Variants in MICAL2 observed in about 807,000 individuals in gnomAD.
MICAL2 encodes [F-actin]-monooxygenase MICAL2.
A neutral mutation model predicts 127.3 loss-of-function variants in MICAL2; 77 were observed. That is an observed-to-expected ratio of 0.60 (90% CI 0.50 to 0.73). The LOEUF (loss-of-function observed/expected upper bound fraction) is 0.73, where lower values mean the gene tolerates loss of function less well. MICAL2 is among the 30% of genes least tolerant of loss of function. The pLI is 0.00. For synonymous variants in MICAL2, 570 were observed against 551.1 expected (o/e 1.03, Z -0.48); for missense variants, 1,351 against 1,434.4 (o/e 0.94, Z 0.94).
chr11:12,287,259 AT>A (rs1238844395), exon 3 of MICAL2: 1 of 397,478 alleles, frequency 2.5e-6, no homozygotes, highest in Non-Finnish European at 4.4e-6. Flanking sequence ...CTTACATGGT[AT>A]CTCTCTGGCA....
chr11:12,355,933 G>T (rs1939120981), intron 34 of MICAL2, among the ~76,000 whole-genome samples: 2 of 145,956 alleles, frequency 1.4e-5, no homozygotes, highest in South Asian at 2.3e-4. Context: ...GTCCATCCAC[G>T]ACAAGCCTAA....
chr11:12,189,739 C>G (rs1178867648), intron 3 of MICAL2, among the ~76,000 whole-genome samples: 1 of 152,216 alleles, frequency 6.6e-6, no homozygotes, highest in East Asian at 1.9e-4. Flanking sequence ...CCTGAGCCAG[C>G]TATGGCTCAC....
intron 26 of MICAL2, chr11:12,262,020 C>T (rs911117304): frequency 3.0e-5 from 30 of 1,007,764 alleles, no homozygotes; most frequent in Non-Finnish European, 3.1e-5. Context: ...CTCTGACTGT[C>T]GTGTACAGCC....
At chr11:12,139,872 T>C (rs1414448934) in intron 2 of MICAL2, among the ~76,000 whole-genome samples, 1 of 152,188 alleles carries the variant, frequency 6.6e-6, no homozygotes, top group Admixed American at 6.5e-5. Context: ...AATTTTTGTT[T>C]TGTTCTGTTT....
chr11:12,219,023 T>C (rs1391320060), intron 8 of MICAL2, among the ~76,000 whole-genome samples: 1 of 152,206 alleles, frequency 6.6e-6, no homozygotes, highest in African/African-American at 2.4e-5. Context: ...CTCTGTGAAG[T>C]AGGTTTTGAT....
At chr11:12,293,828 C>T (rs911782068), downstream of MICAL2, 3 of 1,605,622 alleles carry the variant, frequency 1.9e-6, no homozygotes, top group South Asian at 1.1e-5. Context: ...AGACCCACAC[C>T]CCATCTGGGG....
intron 3 of MICAL2, among the ~76,000 whole-genome samples, chr11:12,171,445 T>C (rs189176728): frequency 6.6e-6 from 1 of 152,338 alleles, no homozygotes; most frequent in African/African-American, 2.4e-5. Context: ...TTTGTTTTTT[T>C]CCCACAATTA....
intron 14 of MICAL2, among the ~76,000 whole-genome samples, chr11:12,226,692 G>A (rs1389720771): frequency 1.2e-4 from 17 of 138,466 alleles, no homozygotes; most frequent in African/African-American, 4.1e-4. Context: ...TCGCTTTGTC[G>A]CCGAGGCTGG....
At chr11:12,330,583 T>C (rs1864404432) in intron 32 of MICAL2, among the ~76,000 whole-genome samples, 1 of 152,108 alleles carries the variant, frequency 6.6e-6, no homozygotes, top group Admixed American at 6.5e-5. Context: ...AGGGCAATGA[T>C]GGCTGATGAG....
In MICAL2 at chr11:12,123,631, C is replaced by T. The variant is rs574057375; in HGVS notation, c.-149+12905C>T. Among the ~76,000 whole-genome samples, 9 of 152,342 alleles carry T rather than the reference C, an allele frequency of 5.9e-5. No individual in the cohort carries two copies. In the South Asian group the frequency reaches 1.4e-3, roughly 25 times the overall value. ...GGCGGTGACAGCTATGCCACAGCTG[C>T]ATCCCGGGAGAGATCGTTAGGTTTC... is the stretch of plus-strand genomic sequence containing the variant. On this transcript the variant is annotated intron_variant, in intron 1 of 27. Coordinates refer to ENST00000683283, the MANE Select transcript of MICAL2 (RefSeq NM_001282663.2).
intron 24 of MICAL2, among the ~76,000 whole-genome samples, chr11:12,269,778 C>A (rs1590715695): frequency 6.6e-6 from 1 of 152,230 alleles, no homozygotes; most frequent in Non-Finnish European, 1.5e-5. Flanking sequence ...CCAGCCAGGG[C>A]CCCTTGAATG....
intron 8 of MICAL2, among the ~76,000 whole-genome samples, chr11:12,218,813 C>A (rs1346776684): frequency 1.3e-5 from 2 of 152,186 alleles, no homozygotes; most frequent in East Asian, 3.8e-4. Context: ...GCAGTGGTCA[C>A]TCTGGCTGTA....
chr11:12,331,347 G>T (rs879607213), intron 32 of MICAL2, among the ~76,000 whole-genome samples: 2 of 152,194 alleles, frequency 1.3e-5, no homozygotes, highest in Admixed American at 1.3e-4. Context: ...AGCTTTACCA[G>T]CTTTGGGGAA....
At chr11:12,247,537 C>T (rs1429864252) in intron 21 of MICAL2, among the ~76,000 whole-genome samples, 1 of 152,162 alleles carries the variant, frequency 6.6e-6, no homozygotes, top group Non-Finnish European at 1.5e-5. Context: ...CCTACACTCG[C>T]AGGTTCATGC....
intron 1 of MICAL2, among the ~76,000 whole-genome samples, chr11:12,124,216 C>T (rs902351212): frequency 6.6e-6 from 1 of 152,086 alleles, no homozygotes; most frequent in Non-Finnish European, 1.5e-5. Flanking sequence ...TTAAGTATGC[C>T]TTCCACAGCG....
At chr11:12,217,547 T>C (rs1233290318) in intron 8 of MICAL2, among the ~76,000 whole-genome samples, 1 of 152,088 alleles carries the variant, frequency 6.6e-6, no homozygotes, top group Non-Finnish European at 1.5e-5. Context: ...CTCCTGAAGT[T>C]GCCGCCTTAG....
chr11:12,237,438 G>A (rs918792041), intron 16 of MICAL2, among the ~76,000 whole-genome samples: 5 of 152,146 alleles, frequency 3.3e-5, no homozygotes, highest in African/African-American at 1.2e-4. Context: ...CAGATTACGG[G>A]TGTCAGCTCT....
intron 1 of MICAL2, among the ~76,000 whole-genome samples, chr11:12,113,399 A>G (rs943578328): frequency 6.6e-6 from 1 of 152,034 alleles, no homozygotes; most frequent in Non-Finnish European, 1.5e-5. Flanking sequence ...ACAACAACAA[A>G]AAAGGTTACA....
intron 2 of MICAL2, chr11:12,161,400 G>C (rs1036460369): frequency 6.6e-6 from 1 of 152,222 alleles, no homozygotes. Flanking sequence ...ACAGGCGGAG[G>C]AGGTCCACGT....
Sources: gnomAD v4.1 joint callset for allele counts (sites outside exome capture counted in the v4.1 genomes callset) on GRCh38, gnomAD v4.1.1 for gene constraint, MANE v1.5 for transcripts, NCBI Gene and HGNC (gene_info 2026-07-23, HGNC 2026-07-21) for gene names.